Variants in WASHC5 observed in about 807,000 individuals in gnomAD.
WASHC5 encodes WASH complex subunit 5.
Under a neutral mutation model 150.4 loss-of-function variants are expected in WASHC5, and 101 were observed. The observed-to-expected ratio is 0.67, with a 90% CI of 0.57 to 0.79. WASHC5 has a LOEUF of 0.79. Among genes scored for constraint, WASHC5 ranks in the 30% least tolerant of loss-of-function variants. The pLI is 0.00. For synonymous variants in WASHC5, 467 were observed against 491.2 expected (o/e 0.95, Z 0.65); for missense variants, 1,195 against 1,396.3 (o/e 0.86, Z 2.30).
At chr8:125,025,968 A>G (rs552033766) in intron 28 of WASHC5, among the ~76,000 whole-genome samples, 3 of 152,298 alleles carry the variant, frequency 2.0e-5, no homozygotes, top group African/African-American at 7.2e-5. Flanking sequence ...TATATCCAGC[A>G]GGTAAAATTC....
chr8:125,077,931 C>A (rs1817114080), intron 6 of WASHC5, among the ~76,000 whole-genome samples: 1 of 152,218 alleles, frequency 6.6e-6, no homozygotes, highest in African/African-American at 2.4e-5. Flanking sequence ...CCAACAAAAA[C>A]CCTCTTATTT....
At chr8:125,074,775 T>C (rs569764198) in intron 8 of WASHC5, among the ~76,000 whole-genome samples, 1 of 152,330 alleles carries the variant, frequency 6.6e-6, no homozygotes, top group Non-Finnish European at 1.5e-5. Context: ...CTTAGGGTAC[T>C]GACTCTTCCT....
rs762492319 is a variant in WASHC5 at position 125,032,329 on chromosome 8, G to A, written c.3247C>T (p.Leu1083=). Residue 1083 remains leucine, a synonymous_variant, in exon 27 of 29, where the codon CTG becomes TTG. Coordinates refer to ENST00000318410, the MANE Select transcript of WASHC5 (RefSeq NM_014846.4). ...WPPLVLGLLT[L]LKQFHSRYTE... is the part of the protein sequence containing the mutation. Reference sequence around the variant, plus strand: ...TACCGGGAATGGAACTGCTTCAGCAGAGTGAGCAGTCCCAGGACAAGTGGT... The same window carrying A: ...TACCGGGAATGGAACTGCTTCAGCAAAGTGAGCAGTCCCAGGACAAGTGGT... 1.2e-6 allele frequency: 2 copies of A among 1,614,204 alleles called. No homozygotes were observed. The highest frequency in any genetic ancestry group is 1.1e-5 in the South Asian group (1 of 91,086).
chr8:125,057,422 T>C (rs1022099173), intron 15 of WASHC5, 134 bp downstream of exon 15: 5 of 695,026 alleles, frequency 7.2e-6, no homozygotes, highest in Middle Eastern at 3.8e-4. Flanking sequence ...TTTTTAGGTG[T>C]TGCAAATTTC....
At chr8:125,062,364 T>C (rs570248623) in intron 11 of WASHC5, among the ~76,000 whole-genome samples, 2 of 152,220 alleles carry the variant, frequency 1.3e-5, no homozygotes, top group East Asian at 3.9e-4. Context: ...TGGAAAAAAA[T>C]GTAAAATTGT....
At chr8:125,044,323 C>G (rs1191556124) in intron 21 of WASHC5, among the ~76,000 whole-genome samples, 5 of 152,198 alleles carry the variant, frequency 3.3e-5, no homozygotes, top group African/African-American at 7.2e-5. Flanking sequence ...CAAGTTGAAA[C>G]TTACAAAAAC....
chr8:125,046,037 C>T (rs1244535969), intron 20 of WASHC5, among the ~76,000 whole-genome samples: 1 of 152,182 alleles, frequency 6.6e-6, no homozygotes, highest in African/African-American at 2.4e-5. Context: ...CATAGTTTCT[C>T]AACTTTCACA....
chr8:125,030,652 A>AAAG (rs1554589966), intron 27 of WASHC5, among the ~76,000 whole-genome samples: 12 of 144,656 alleles, frequency 8.3e-5, no homozygotes, highest in African/African-American at 3.0e-4. Flanking sequence ...AAAAAAAAAA[A>AAAG]AAAAAAAAAA....
intron 27 of WASHC5, 65 bp from the exon 28 acceptor site, chr8:125,028,772 T>A (rs1586329505): frequency 1.8e-6 from 2 of 1,107,392 alleles, no homozygotes; most frequent in Non-Finnish European, 2.8e-6. Context: ...TTGGTCAGAA[T>A]CCTGAAAGAC....
At chr8:125,056,536 C>T (rs745389355) in intron 16 of WASHC5, 141 bp downstream of exon 16, 138 of 932,210 alleles carry the variant, frequency 1.5e-4, no homozygotes, top group Middle Eastern at 2.9e-4. Flanking sequence ...AATCATAAAA[C>T]GCGTTTACCA....
intron 5 of WASHC5, among the ~76,000 whole-genome samples, chr8:125,081,140 C>T (rs6981141): frequency 0.13 from 19,632 of 151,180 alleles, 3,101 homozygotes; most frequent in African/African-American, 0.38. Context: ...ATATAGAATA[C>T]TTGATATGTA....
chr8:125,081,538 T>C (rs886866995), intron 5 of WASHC5, 123 bp downstream of exon 5: 44 of 745,432 alleles, frequency 5.9e-5, no homozygotes, highest in Non-Finnish European at 1.0e-4. Flanking sequence ...TGTGCCCGGC[T>C]GAATCGTATA....
At chr8:125,063,919 G>C (rs1816673529) in intron 10 of WASHC5, among the ~76,000 whole-genome samples, 2 of 152,068 alleles carry the variant, frequency 1.3e-5, no homozygotes, top group Non-Finnish European at 2.9e-5. Context: ...AGATTCTCAA[G>C]GCCCACCCCC....
At chr8:125,064,880 C>T (rs774391234) in intron 10 of WASHC5, among the ~76,000 whole-genome samples, 1 of 152,126 alleles carries the variant, frequency 6.6e-6, no homozygotes, top group African/African-American at 2.4e-5. Flanking sequence ...TCTTAGTGAT[C>T]TGGCAGAATG....
intron 27 of WASHC5, 25 bp from the exon 28 acceptor site, chr8:125,028,732 A>T: frequency 6.6e-7 from 1 of 1,511,564 alleles, no homozygotes. Context: ...AGTTTAGATC[A>T]ATTAACTGCT....
intron 14 of WASHC5, among the ~76,000 whole-genome samples, chr8:125,058,768 C>A (rs546248849): frequency 6.6e-6 from 1 of 152,082 alleles, no homozygotes; most frequent in African/African-American, 2.4e-5. Flanking sequence ...ACTCTTTGTT[C>A]ATTTACCACG....
At chr8:125,072,377 T>G (rs1394793185) in intron 9 of WASHC5, among the ~76,000 whole-genome samples, 2 of 147,764 alleles carry the variant, frequency 1.4e-5, no homozygotes, top group African/African-American at 5.0e-5. Context: ...GGCTCTTATT[T>G]TATTATTCTT....
chr8:125,049,662 C>T (rs529545950), intron 18 of WASHC5, among the ~76,000 whole-genome samples: 38 of 152,162 alleles, frequency 2.5e-4, no homozygotes, highest in African/African-American at 7.2e-4. Context: ...GCCTGGCCAA[C>T]GTGATGAAAC....
chr8:125,084,445 A>T (rs908111305), intron 1 of WASHC5, among the ~76,000 whole-genome samples: 7 of 152,194 alleles, frequency 4.6e-5, no homozygotes, highest in Non-Finnish European at 8.8e-5. Flanking sequence ...ATTATTTCCC[A>T]GAAATGGAAC....
Sources: gnomAD v4.1 joint callset for allele counts (sites outside exome capture counted in the v4.1 genomes callset) on GRCh38, gnomAD v4.1.1 for gene constraint, MANE v1.5 for transcripts, NCBI Gene and HGNC (gene_info 2026-07-23, HGNC 2026-07-21) for gene names.